The following CPED1 variants were observed in gnomAD, a reference collection of about 807,000 sequenced individuals.
CPED1 encodes the protein cadherin like and PC-esterase domain containing 1.
Under a neutral mutation model 128.2 loss-of-function variants are expected in CPED1, and 114 were observed. The ratio of observed to expected loss-of-function variants is 0.89; its 90% confidence interval spans 0.76 to 1.04. The LOEUF (loss-of-function observed/expected upper bound fraction) is 1.04, where lower values mean the gene tolerates loss of function less well. Among genes scored for constraint, CPED1 ranks in the 50% least tolerant of loss-of-function variants. The probability of loss-of-function intolerance (pLI) is 0.00; values close to 1 mark genes in which losing one functional copy is unlikely to be tolerated. For missense variants in CPED1, 1,211 were observed against 1,207.1 expected, an observed-to-expected ratio of 1.00 and a Z score of -0.05; for synonymous variants, 462 against 426.7, an observed-to-expected ratio of 1.08 and a Z score of -1.02.
intron 22 of CPED1, among the ~76,000 whole-genome samples, chr7:121,293,621 C>T (rs1032544082): frequency 2.5e-4 from 38 of 152,190 alleles, no homozygotes; most frequent in Non-Finnish European, 4.4e-5. Context: ...GCTTGAAACC[C>T]AGGGCCCTGG....
intron 2 of CPED1, among the ~76,000 whole-genome samples, chr7:120,992,419 A>G (rs940128714): frequency 2.0e-5 from 3 of 152,160 alleles, no homozygotes; most frequent in Admixed American, 2.0e-4. Context: ...ATGACATTTT[A>G]TGCAAAATAC....
chr7:121,142,007 A>C lies in CPED1; in HGVS notation c.1921A>C (p.Lys641Gln), dbSNP rs1795915999. Residue 641 changes from lysine to glutamine, a missense_variant, in exon 16 of 23, where the codon AAA (lysine) becomes CAA (glutamine). Physicochemically the swap from Lys to Gln is moderately conservative, Grantham distance 53. Coordinates refer to ENST00000310396, the MANE Select transcript of CPED1 (RefSeq NM_024913.5). ...ASYPLGLGMN[K>Q]ISIFVVDESP... is the part of the protein sequence containing the mutation. ...CTACCCTCTGGGCTTAGGAATGAAC[A>C]AAATCTCAATATTTGTTGTGGATGA... The C allele has an allele frequency of 6.2e-7, 1 of 1,612,552 alleles. No individual in the cohort carries two copies. Among genetic ancestry groups the C allele is most frequent in the African/African-American group, 1.3e-5 (1 of 74,838 alleles).
intron 3 of CPED1, among the ~76,000 whole-genome samples, chr7:121,044,962 A>T (rs566520683): frequency 6.6e-6 from 1 of 152,168 alleles, no homozygotes; most frequent in African/African-American, 2.4e-5. Flanking sequence ...ATCATATGAC[A>T]GGAGGTTTCT....
chr7:121,027,797 C>T (rs1012788785), intron 3 of CPED1, among the ~76,000 whole-genome samples: 8 of 150,392 alleles, frequency 5.3e-5, no homozygotes, highest in African/African-American at 2.0e-4. Flanking sequence ...AGCTCTTTCT[C>T]GAAGGAAAAG....
At chr7:121,190,573 C>T (rs1035299877) in intron 16 of CPED1, among the ~76,000 whole-genome samples, 3 of 151,892 alleles carry the variant, frequency 2.0e-5, no homozygotes, top group Non-Finnish European at 2.9e-5. Context: ...CATTAAACTG[C>T]CCCTAATCCC....
chr7:121,099,890 T>C (rs894156858), intron 6 of CPED1, 36 bp from the exon 7 acceptor site: 11 of 1,579,344 alleles, frequency 7.0e-6, no homozygotes, highest in East Asian at 6.8e-5. Flanking sequence ...CAACCCTACA[T>C]TATGGAGCGC....
chr7:121,212,146 G>A (rs952099256), intron 16 of CPED1, among the ~76,000 whole-genome samples: 4 of 152,002 alleles, frequency 2.6e-5, no homozygotes, highest in Non-Finnish European at 5.9e-5. Flanking sequence ...ATATGGCTGT[G>A]TTGGGTTCTG....
At chr7:121,047,881 A>T (rs527706801) in intron 4 of CPED1, among the ~76,000 whole-genome samples, 1 of 151,306 alleles carries the variant, frequency 6.6e-6, no homozygotes, top group Non-Finnish European at 1.5e-5. Context: ...ATTTTTTTGC[A>T]TTTTTTAGTG....
intron 22 of CPED1, among the ~76,000 whole-genome samples, chr7:121,294,257 AC>A (rs1792774153): frequency 1.3e-5 from 2 of 152,198 alleles, no homozygotes; most frequent in South Asian, 4.1e-4. Flanking sequence ...GAATGAAATC[AC>A]AAGAAATGAA....
chr7:121,099,923 T>C lies in CPED1; in HGVS notation c.750-3T>C. 1 of 1,573,178 alleles carries C rather than the reference T, an allele frequency of 6.4e-7. No homozygotes were observed. The highest frequency in any genetic ancestry group is 1.1e-5 in the South Asian group (1 of 88,674). Reference sequence around the variant, plus strand: ...CGCTAACTATGTTTTTTTTTTTTTTTAGGAATGAAACGACAGTCCTTGCTC... The same window carrying C: ...CGCTAACTATGTTTTTTTTTTTTTTCAGGAATGAAACGACAGTCCTTGCTC... On this transcript the variant is annotated splice_region_variant and splice_polypyrimidine_tract_variant and intron_variant, in intron 6 of 22. Coordinates refer to ENST00000310396, the MANE Select transcript of CPED1 (RefSeq NM_024913.5).
At chr7:121,295,364 C>G in intron 22 of CPED1, 76 bp from the exon 23 acceptor site, 1 of 1,500,504 alleles carries the variant, frequency 6.7e-7, no homozygotes, top group South Asian at 1.3e-5. Flanking sequence ...GATGCATGTT[C>G]AAGTTTGAGA....
At chr7:121,026,552 G>A (rs994374988) in intron 3 of CPED1, among the ~76,000 whole-genome samples, 5 of 151,760 alleles carry the variant, frequency 3.3e-5, no homozygotes, top group East Asian at 1.9e-4. Flanking sequence ...AGGCCTGTCC[G>A]CACATTCCAA....
At chr7:121,150,968 A>G (rs1057096627) in intron 16 of CPED1, among the ~76,000 whole-genome samples, 3 of 151,972 alleles carry the variant, frequency 2.0e-5, no homozygotes, top group Admixed American at 6.6e-5. Context: ...GGGATTCGCC[A>G]TTTTGGCCAG....
At chr7:121,139,317 G>T (rs1046769901) in intron 14 of CPED1, among the ~76,000 whole-genome samples, 3 of 151,410 alleles carry the variant, frequency 2.0e-5, no homozygotes, top group African/African-American at 7.3e-5. Flanking sequence ...TATTATTATT[G>T]TTCATAATTT....
chr7:121,008,854 C>A lies in CPED1; in HGVS notation c.250-6811C>A, dbSNP rs996329587. ...CCATGCCTGTTACCTAGAAAATGCTCAAAAATGTTAAATAGACAAATGAAA... is the reference window on the plus strand; with the variant it reads ...CCATGCCTGTTACCTAGAAAATGCTAAAAAATGTTAAATAGACAAATGAAA... On this transcript the variant is annotated intron_variant, in intron 2 of 22. Transcript: ENST00000310396. Among the ~76,000 whole-genome samples, 32 of 152,210 alleles carry A rather than the reference C, an allele frequency of 2.1e-4. 1 individual carries two copies. Among genetic ancestry groups the A allele is most frequent in the African/African-American group, 7.7e-4 (32 of 41,534 alleles).
chr7:121,192,852 A>T (rs1414119180), intron 16 of CPED1, among the ~76,000 whole-genome samples: 3 of 152,270 alleles, frequency 2.0e-5, no homozygotes, highest in Non-Finnish European at 4.4e-5. Flanking sequence ...GACAAAATAG[A>T]TATGATTTTT....
At chr7:121,096,387 T>C (rs1794699301) in intron 5 of CPED1, among the ~76,000 whole-genome samples, 1 of 152,118 alleles carries the variant, frequency 6.6e-6, no homozygotes, top group African/African-American at 2.4e-5. Context: ...TTTGTTCTAT[T>C]TTGAGAGCTA....
At chr7:121,275,757 G>C (rs1292484452) in intron 22 of CPED1, among the ~76,000 whole-genome samples, 2 of 152,004 alleles carry the variant, frequency 1.3e-5, no homozygotes, top group Non-Finnish European at 1.5e-5. Flanking sequence ...TTCTTTGTCA[G>C]AGATGGTTTT....
At chr7:121,196,267 C>T (rs1425338039) in intron 16 of CPED1, among the ~76,000 whole-genome samples, 2 of 151,988 alleles carry the variant, frequency 1.3e-5, no homozygotes, top group African/African-American at 2.4e-5. Context: ...CTTCAGTCTG[C>T]TCAGTTGGCA....
Sources: allele counts gnomAD v4.1 joint callset (sites outside exome capture counted in the v4.1 genomes callset), GRCh38; gene constraint gnomAD v4.1.1; transcripts MANE v1.5; gene names NCBI Gene and HGNC (gene_info 2026-07-23, HGNC 2026-07-21).